The following RFC5 variants were observed in gnomAD, a reference collection of about 807,000 sequenced individuals.
The protein encoded by RFC5 is replication factor C subunit 5.
Under a neutral mutation model 44.3 loss-of-function variants are expected in RFC5, and 26 were observed. The observed-to-expected ratio is 0.59, with a 90% confidence interval of 0.43 to 0.81. The LOEUF (loss-of-function observed/expected upper bound fraction) is 0.81, where lower values mean the gene tolerates loss of function less well. Ranked by LOEUF, RFC5 falls within the 40% of genes least tolerant of loss-of-function variation. RFC5 has a pLI of 0.00. For missense variants in RFC5, 328 were observed against 418.6 expected (o/e 0.78, Z 1.89); for synonymous variants, 155 against 155.2 (o/e 1.00, Z 0.01).
chr12:118,025,759 T>C lies in RFC5; in HGVS notation c.594T>C (p.Ser198=). 1 of 1,605,410 alleles carries C rather than the reference T, an allele frequency of 6.2e-7. No individual in the cohort carries two copies. Among genetic ancestry groups the C allele is most frequent in the South Asian group, 1.1e-5 (1 of 90,848 alleles). The change falls in exon 7 of 11, where the codon AGT becomes AGC. Residue 198 remains serine (S), a synonymous_variant. Coordinates refer to ENST00000454402, the MANE Select transcript of RFC5 (RefSeq NM_007370.7). ...HVVEEEKVDI[S]EDGMKALVTL... Reference sequence around the variant, plus strand: ...TTATTTCTTTCAGAGTTGATATAAGTGAAGATGGAATGAAAGCACTAGTCA... The same window carrying C: ...TTATTTCTTTCAGAGTTGATATAAGCGAAGATGGAATGAAAGCACTAGTCA...
downstream of RFC5, chr12:118,035,142 C>T (rs2031478275): frequency 6.2e-7 from 1 of 1,612,416 alleles, no homozygotes; most frequent in Admixed American, 1.7e-5. Flanking sequence ...CAGGGCCAGA[C>T]CAAGAGGGCC....
intron 1 of RFC5, chr12:118,017,842 C>A: frequency 1.5e-6 from 1 of 672,164 alleles, no homozygotes; most frequent in Non-Finnish European, 2.7e-6. Context: ...ATCCTGTAAC[C>A]ATTTTAAAAT....
intron 9 of RFC5, among the ~76,000 whole-genome samples, chr12:118,028,494 ACAAAAC>A (rs2031104462): frequency 6.7e-6 from 1 of 150,282 alleles, no homozygotes. Flanking sequence ...AAAAAAAAAA[ACAAAAC>A]AAAACACAAA....
intron 1 of RFC5, chr12:118,017,680 T>TC: frequency 1.0e-6 from 1 of 959,186 alleles, no homozygotes; most frequent in Non-Finnish European, 1.4e-6. Context: ...TACGTATTTT[T>TC]TTTTTTTAGA....
downstream of RFC5, chr12:118,035,017 A>T: frequency 6.2e-7 from 1 of 1,614,048 alleles, no homozygotes; most frequent in African/African-American, 1.3e-5. Context: ...TGTGGAAAAA[A>T]TGTGCAGCAA....
the RFC5 span, among the ~76,000 whole-genome samples, chr12:118,039,539 A>G: frequency 6.6e-6 from 1 of 152,156 alleles, no homozygotes; most frequent in South Asian, 2.1e-4. Context: ...ATGGAAGGGT[A>G]TATACTCCTA....
At chr12:118,040,477 C>T in the RFC5 span, among the ~76,000 whole-genome samples, 4 of 152,138 alleles carry the variant, frequency 2.6e-5, no homozygotes, top group African/African-American at 9.6e-5. Context: ...AAAGGCACTG[C>T]CAGCCGAGCG....
chr12:118,027,671 TAAAA>T (rs58896704), intron 8 of RFC5, among the ~76,000 whole-genome samples: 6 of 129,700 alleles, frequency 4.6e-5, no homozygotes, highest in Non-Finnish European at 6.5e-5. Context: ...GATTCCATCT[TAAAA>T]AAAAAAAAAA....
At chr12:118,028,662 G>A (rs1174922317) in intron 9 of RFC5, among the ~76,000 whole-genome samples, 1 of 147,576 alleles carries the variant, frequency 6.8e-6, no homozygotes, top group African/African-American at 2.6e-5. Context: ...AAAAAAGTCT[G>A]TCTATCTATC....
downstream of RFC5, chr12:118,038,123 A>T: frequency 1.9e-6 from 1 of 533,236 alleles, no homozygotes; most frequent in African/African-American, 1.9e-5. Context: ...GGTTCGTGTT[A>T]AAGTGCAAGT....
chr12:118,024,340 C>CAAAAAAAAAAA (rs369599555), intron 5 of RFC5, among the ~76,000 whole-genome samples: 1 of 142,948 alleles, frequency 7.0e-6, no homozygotes. Context: ...GACTCTGTTT[C>CAAAAAAAAAAA]AAAAAAGAAA....
In RFC5 at chr12:118,026,979, G is replaced by A. The variant is rs1217030523; in HGVS notation, c.754G>A (p.Asp252Asn). Residue 252 changes from aspartate to asparagine, a missense_variant, in exon 8 of 11, where the codon GAC (aspartate) becomes AAC (asparagine). By Grantham distance (23) the Asp-to-Asn change is conservative (BLOSUM62 1). Coordinates refer to ENST00000454402, the MANE Select transcript of RFC5 (RefSeq NM_007370.7). The part of the protein sequence containing the change: ...PLKSDIANIL[D>N]WMLNQDFTTA... ...CAAGTCAGACATTGCCAACATCCTG[G>A]ACTGGATGTTGAATCAAGATTTCAC... is the stretch of plus-strand genomic sequence containing the variant. 6.2e-7 allele frequency: 1 copy of A among 1,613,712 alleles called. No individual in the cohort carries two copies. Among genetic ancestry groups the A allele is most frequent in the South Asian group, 1.1e-5 (1 of 91,068 alleles).
At position 118,032,141 on chromosome 12, in the gene RFC5, C is replaced by T. The variant is rs2031358991; in HGVS notation, c.*863C>T. Reference sequence around the variant, plus strand: ...TTACAAGTGACTCTTCCTTAGACAGCTAGAAAGATGCTGACTTTGTCAAAC... The same window carrying T: ...TTACAAGTGACTCTTCCTTAGACAGTTAGAAAGATGCTGACTTTGTCAAAC... On this transcript the variant is annotated 3_prime_UTR_variant, in exon 11 of 11. Coordinates refer to ENST00000454402, the MANE Select transcript of RFC5 (RefSeq NM_007370.7). The T allele has an allele frequency of 6.6e-6, 1 of 152,220 alleles. No homozygotes were observed. Among genetic ancestry groups the T allele is most frequent in the Non-Finnish European group, 1.5e-5 (1 of 68,032 alleles). The allele number at this position is 152,220 out of a possible 1,614,324, so 9.4% of individuals were successfully genotyped here. A position where few individuals can be genotyped will look rare whatever the true frequency, so the allele number is the denominator to read the frequency against.
downstream of RFC5, among the ~76,000 whole-genome samples, chr12:118,037,668 A>T (rs11068778): frequency 0.17 from 18,504 of 110,620 alleles, 1,700 homozygotes; most frequent in East Asian, 0.48. Context: ...AACTCTGTCT[A>T]AAAAAAAAAA....
intron 1 of RFC5, among the ~76,000 whole-genome samples, chr12:118,017,504 A>G (rs1365168308): frequency 1.3e-5 from 2 of 152,162 alleles, no homozygotes; most frequent in Non-Finnish European, 2.9e-5. Flanking sequence ...ACTCTTAACC[A>G]TCCTACTTAA....
chr12:118,034,574 G>GCTCTCTCTCTCT (rs368693869), downstream of RFC5: 2,085 of 529,440 alleles, frequency 3.9e-3, 22 homozygotes, highest in African/African-American at 0.035. Context: ...ATACCAAAGC[G>GCTCTCTCTCTCT]CTCTCTCTGT....
At chr12:118,034,428 A>G (rs1321859005), downstream of RFC5, 2 of 1,568,304 alleles carry the variant, frequency 1.3e-6, no homozygotes, top group African/African-American at 1.4e-5. Context: ...ATGAATACTC[A>G]TGTTTCTGTT....
chr12:118,034,136 G>T, downstream of RFC5: 1 of 1,600,092 alleles, frequency 6.2e-7, no homozygotes, highest in South Asian at 1.1e-5. Flanking sequence ...CATTATTCCA[G>T]CAACTCCCTT....
At chr12:118,035,007 T>C (rs1349876333), downstream of RFC5, 2 of 1,613,958 alleles carry the variant, frequency 1.2e-6, no homozygotes, top group African/African-American at 2.7e-5. Flanking sequence ...GACTCCACCA[T>C]GTGGAAAAAA....
Sources: gnomAD v4.1 joint callset for allele counts (sites outside exome capture counted in the v4.1 genomes callset) on GRCh38, gnomAD v4.1.1 for gene constraint, MANE v1.5 for transcripts, NCBI Gene and HGNC (gene_info 2026-07-23, HGNC 2026-07-21) for gene names.